DSCAM: variants seen among roughly 807,000 people sequenced by gnomAD.
DSCAM encodes the protein DS cell adhesion molecule.
In DSCAM, 47 loss-of-function variants were observed where a neutral mutation model predicts 217.7. That is an observed-to-expected ratio of 0.22 (90% confidence interval 0.17 to 0.28). DSCAM has a LOEUF of 0.28. Ranked by LOEUF, DSCAM falls within the 10% of genes least tolerant of loss-of-function variation. DSCAM has a pLI of 1.00. For synonymous variants in DSCAM, 1,056 were observed against 1,015.3 expected (o/e 1.04, Z -0.76); for missense variants, 2,080 against 2,618.3 (o/e 0.79, Z 4.49).
chr21:40,343,804 T>C (rs947037618), intron 6 of DSCAM, among the ~76,000 whole-genome samples: 7 of 151,480 alleles, frequency 4.6e-5, no homozygotes, highest in Non-Finnish European at 8.8e-5. Context: ...ATTTACTCTA[T>C]AATAAAGTGT....
At chr21:40,076,183 A>G (rs1282609443) in intron 26 of DSCAM, among the ~76,000 whole-genome samples, 2 of 152,134 alleles carry the variant, frequency 1.3e-5, no homozygotes, top group Non-Finnish European at 2.9e-5. Context: ...GATCTCTGCT[A>G]AAGCTGAGAA....
chr21:40,443,456 T>C (rs2075649306), intron 3 of DSCAM, among the ~76,000 whole-genome samples: 1 of 152,154 alleles, frequency 6.6e-6, no homozygotes, highest in Non-Finnish European at 1.5e-5. Context: ...TGCAGATGGA[T>C]TACAGGATTC....
In DSCAM at chr21:40,620,569, GA is replaced by G. The variant is rs201152309; in HGVS notation, c.508+72240del. Among the ~76,000 whole-genome samples the G allele has an allele frequency of 7.4e-3, 1,126 of 151,644 alleles. 35 individuals are homozygous for G. The highest frequency in any genetic ancestry group is 4.7e-3 in the Non-Finnish European group (319 of 67,890). On this transcript the variant is annotated intron_variant, in intron 3 of 32. Coordinates refer to ENST00000400454, the MANE Select transcript of DSCAM (RefSeq NM_001389.5). ...ACCAAATAATGGTGAGAATATAATG[GA>G]AAAAAAGAAAAGAAAAAAGAAGATT...
intron 1 of DSCAM, among the ~76,000 whole-genome samples, chr21:40,791,263 T>C (rs921048800): frequency 6.6e-6 from 1 of 152,124 alleles, no homozygotes; most frequent in Non-Finnish European, 1.5e-5. Context: ...GCAGGTTGTG[T>C]TTATGTCTAT....
chr21:40,725,718 T>C (rs1205082913), intron 1 of DSCAM, among the ~76,000 whole-genome samples: 2 of 152,168 alleles, frequency 1.3e-5, no homozygotes, highest in Non-Finnish European at 2.9e-5. Context: ...CCATCATTTC[T>C]GGGGTTCTCT....
intron 6 of DSCAM, among the ~76,000 whole-genome samples, chr21:40,341,039 T>C (rs933131313): frequency 9.8e-5 from 15 of 152,330 alleles, no homozygotes; most frequent in Middle Eastern, 3.4e-3. Flanking sequence ...ATGTTTCAGG[T>C]GGCTGGAGAA....
intron 1 of DSCAM, among the ~76,000 whole-genome samples, chr21:40,787,446 CT>C (rs1304715491): frequency 2.0e-5 from 3 of 152,326 alleles, no homozygotes; most frequent in African/African-American, 7.2e-5. Context: ...TATCAGGCCC[CT>C]GACTTAATGT....
intron 1 of DSCAM, among the ~76,000 whole-genome samples, chr21:40,769,633 C>G (rs1244620686): frequency 1.3e-5 from 2 of 152,226 alleles, no homozygotes; most frequent in South Asian, 2.1e-4. Context: ...GACTCTTTCC[C>G]TGACCAGACT....
intron 11 of DSCAM, among the ~76,000 whole-genome samples, chr21:40,197,390 T>A (rs976877904): frequency 1.6e-4 from 25 of 152,106 alleles, no homozygotes; most frequent in African/African-American, 5.8e-4. Flanking sequence ...AGTGCTGGGA[T>A]TACAGGCGTG....
intron 5 of DSCAM, 54 bp from the exon 6 acceptor site, chr21:40,347,999 A>G: frequency 6.5e-7 from 1 of 1,549,276 alleles, no homozygotes; most frequent in South Asian, 1.2e-5. Context: ...ACTAGATAGC[A>G]TTTCGACAAC....
In DSCAM at chr21:40,288,286, TA is replaced by T. The variant is rs574887163; in HGVS notation, c.2182+7768del. ...AATGTTCATAAAAGAAAAACTTGGA[TA>T]CATGAAAGGACTATCCATGGTATTG... On this transcript the variant is annotated intron_variant, in intron 10 of 32. Coordinates refer to ENST00000400454, the MANE Select transcript of DSCAM (RefSeq NM_001389.5). Among the ~76,000 whole-genome samples the T allele has an allele frequency of 6.6e-5, 10 of 152,306 alleles. No individual in the cohort carries two copies. In the South Asian group the frequency reaches 2.1e-3, roughly 32 times the overall value.
chr21:40,436,141 C>T (rs2075580271), intron 3 of DSCAM, among the ~76,000 whole-genome samples: 1 of 152,178 alleles, frequency 6.6e-6, no homozygotes, highest in African/African-American at 2.4e-5. Context: ...TTTATCAGGA[C>T]ATAACCCCAT....
At chr21:40,079,198 G>A (rs1302196591) in intron 25 of DSCAM, among the ~76,000 whole-genome samples, 1 of 152,180 alleles carries the variant, frequency 6.6e-6, no homozygotes, top group Non-Finnish European at 1.5e-5. Context: ...AAAATTGCAT[G>A]GGTGGAGGTT....
chr21:40,571,424 G>C (rs2076805771), intron 3 of DSCAM, among the ~76,000 whole-genome samples: 1 of 152,044 alleles, frequency 6.6e-6, no homozygotes, highest in Admixed American at 6.6e-5. Flanking sequence ...CTGAAGATAT[G>C]GACATCTAAT....
intron 3 of DSCAM, among the ~76,000 whole-genome samples, chr21:40,623,093 T>G (rs981961104): frequency 6.6e-6 from 1 of 152,198 alleles, no homozygotes; most frequent in Non-Finnish European, 1.5e-5. Context: ...AAATGACTCC[T>G]GTCCAGCAGA....
chr21:40,399,222 A>G (rs1601613146), intron 3 of DSCAM, among the ~76,000 whole-genome samples: 1 of 152,178 alleles, frequency 6.6e-6, no homozygotes, highest in African/African-American at 2.4e-5. Flanking sequence ...GAGAGCTATG[A>G]CTGTGCCACT....
intron 11 of DSCAM, among the ~76,000 whole-genome samples, chr21:40,273,705 G>T (rs558469647): frequency 6.6e-6 from 1 of 152,326 alleles, no homozygotes; most frequent in Non-Finnish European, 1.5e-5. Flanking sequence ...CAACGGAAAT[G>T]TATTCCTCAC....
intron 3 of DSCAM, among the ~76,000 whole-genome samples, chr21:40,514,222 A>C (rs2076282287): frequency 6.6e-6 from 1 of 152,212 alleles, no homozygotes; most frequent in Non-Finnish European, 1.5e-5. Context: ...AAGTATAGGA[A>C]AGCTGTTGCA....
intron 3 of DSCAM, among the ~76,000 whole-genome samples, chr21:40,418,601 A>G (rs1024625569): frequency 2.6e-5 from 4 of 152,236 alleles, no homozygotes; most frequent in Non-Finnish European, 4.4e-5. Flanking sequence ...AAGATTGTTT[A>G]GCAAACAGTA....
Sources: gnomAD v4.1 joint callset for allele counts (sites outside exome capture counted in the v4.1 genomes callset) on GRCh38, gnomAD v4.1.1 for gene constraint, MANE v1.5 for transcripts, NCBI Gene and HGNC (gene_info 2026-07-23, HGNC 2026-07-21) for gene names.